CCND3: variants seen among roughly 807,000 people sequenced by gnomAD.
CCND3 encodes cyclin D3.
CCND3 carries 9 observed loss-of-function variants against 28.7 expected under a neutral mutation model. That is an observed-to-expected ratio of 0.31 (90% CI 0.19 to 0.55). The LOEUF (loss-of-function observed/expected upper bound fraction) is 0.55. Among genes scored for constraint, CCND3 ranks in the 20% least tolerant of loss-of-function variants. The pLI, the probability that CCND3 is intolerant of heterozygous loss-of-function variation, is 0.93. For missense variants in CCND3, 315 were observed against 385.8 expected, an observed-to-expected ratio of 0.82 and a Z score of 1.54; for synonymous variants, 164 against 163.9, an observed-to-expected ratio of 1.00 and a Z score of 0.00.
At chr6:42,040,334 C>G (rs1374317414) in intron 1 of CCND3, among the ~76,000 whole-genome samples, 3 of 152,072 alleles carry the variant, frequency 2.0e-5, no homozygotes, top group African/African-American at 7.2e-5. Flanking sequence ...AGGAGAATCA[C>G]TTGAACCTAG....
At chr6:42,040,899 A>G (rs4714558) in intron 1 of CCND3, among the ~76,000 whole-genome samples, 90,811 of 151,210 alleles carry the variant, frequency 0.6, 27,958 homozygotes, top group East Asian at 0.84. Context: ...AACCTCATAG[A>G]ATATGTTTGT....
chr6:41,942,492 G>T (rs1038578924), upstream of CCND3, among the ~76,000 whole-genome samples: 1 of 152,152 alleles, frequency 6.6e-6, no homozygotes, highest in Non-Finnish European at 1.5e-5. Context: ...GAGAGCTTTA[G>T]TCTAAGTCAG....
intron 1 of CCND3, among the ~76,000 whole-genome samples, chr6:42,046,486 T>A (rs1476230806): frequency 6.6e-6 from 1 of 152,188 alleles, no homozygotes; most frequent in Non-Finnish European, 1.5e-5. Context: ...GGTGTCTTGG[T>A]TTCCCAAATC....
chr6:41,955,189 A>C (rs1776407791), intron 1 of CCND3, among the ~76,000 whole-genome samples: 1 of 152,216 alleles, frequency 6.6e-6, no homozygotes, highest in African/African-American at 2.4e-5. Flanking sequence ...CTTTCAGAGA[A>C]TATAAAGAGA....
At chr6:41,978,916 G>A (rs1029068424) in intron 1 of CCND3, among the ~76,000 whole-genome samples, 5 of 152,184 alleles carry the variant, frequency 3.3e-5, no homozygotes, top group Admixed American at 3.3e-4. Flanking sequence ...GGTGGCTCAC[G>A]CCTTTAATCC....
At chr6:42,033,666 G>A (rs571544304) in intron 1 of CCND3, among the ~76,000 whole-genome samples, 1 of 149,920 alleles carries the variant, frequency 6.7e-6, no homozygotes, top group Admixed American at 6.6e-5. Flanking sequence ...TGACCAACAT[G>A]GAAAAACCCC....
chr6:42,002,585 G>A (rs1763042929), intron 1 of CCND3, among the ~76,000 whole-genome samples: 1 of 152,190 alleles, frequency 6.6e-6, no homozygotes. Context: ...GGGCGTGGTG[G>A]CTCACGCCTG....
At chr6:42,039,760 C>T (rs961887354) in intron 1 of CCND3, among the ~76,000 whole-genome samples, 1 of 152,244 alleles carries the variant, frequency 6.6e-6, no homozygotes, top group African/African-American at 2.4e-5. Flanking sequence ...TTCACCACCA[C>T]CCACTCCTGC....
chr6:41,972,240 A>AGAAAGAAAAG (rs1554162049), intron 1 of CCND3, among the ~76,000 whole-genome samples: 63 of 99,758 alleles, frequency 6.3e-4, no homozygotes, highest in African/African-American at 1.9e-3. Context: ...AAAAAAAAAA[A>AGAAAGAAAAG]AAAAGAAAAG....
intron 1 of CCND3, among the ~76,000 whole-genome samples, chr6:42,012,517 C>G (rs9471727): frequency 0.095 from 14,457 of 152,160 alleles, 876 homozygotes; most frequent in Non-Finnish European, 0.14. Context: ...AGGAGAATCA[C>G]TTGAACCTGG....
chr6:42,006,546 AAAC>A (rs1159797555), intron 1 of CCND3, among the ~76,000 whole-genome samples: 2 of 152,202 alleles, frequency 1.3e-5, no homozygotes, highest in Non-Finnish European at 2.9e-5. Flanking sequence ...AATTGAAAAA[AAAC>A]AACTTCATTA....
chr6:42,029,559 C>G (rs1179005413), intron 1 of CCND3, among the ~76,000 whole-genome samples: 1 of 151,930 alleles, frequency 6.6e-6, no homozygotes, highest in Non-Finnish European at 1.5e-5. Context: ...TCACTGGGGC[C>G]GGGCACAGTG....
chr6:41,996,125 T>A (rs59825082), intron 1 of CCND3, among the ~76,000 whole-genome samples: 465 of 24,590 alleles, frequency 0.019, 1 homozygote, highest in African/African-American at 0.057. Flanking sequence ...ATATATATAA[T>A]ATATATATAT....
intron 1 of CCND3, among the ~76,000 whole-genome samples, chr6:41,982,137 G>A (rs1201263754): frequency 6.6e-6 from 1 of 151,848 alleles, no homozygotes; most frequent in African/African-American, 2.4e-5. Flanking sequence ...GGGTGTGGTG[G>A]TGGGTGCCTG....
intron 1 of CCND3, among the ~76,000 whole-genome samples, chr6:41,985,976 G>A (rs73426281): frequency 0.066 from 9,917 of 151,364 alleles, 709 homozygotes; most frequent in African/African-American, 0.17. Flanking sequence ...ATAAAGGTCC[G>A]ATTTCATTCT....
Position 42,048,723 on chromosome 6 carries a change from G to C in CCND3, c.-268C>G, listed in dbSNP as rs1276706416. The C allele has an allele frequency of 5.9e-6, 3 of 508,434 alleles. No homozygotes were observed. Among genetic ancestry groups the C allele is most frequent in the Non-Finnish European group, 1.2e-5 (3 of 255,626 alleles). 31.5% of individuals were successfully genotyped at this position (508,434 alleles called of 1,614,324 possible). ...GCGCCGCGCCGCCGATCCAGAGCTGGGCAGGAAGTGGGGAAGAGGGGGCGG... is the reference window on the plus strand; with the variant it reads ...GCGCCGCGCCGCCGATCCAGAGCTGCGCAGGAAGTGGGGAAGAGGGGGCGG... On this transcript the variant is annotated 5_prime_UTR_variant, in exon 1 of 5. Transcript: ENST00000372988. This position sits in a 1 kb window ranked among gnomAD's most constrained non-coding sequence, Gnocchi z 4.7.
intron 1 of CCND3, among the ~76,000 whole-genome samples, chr6:41,953,499 AG>A (rs1776366268): frequency 6.6e-6 from 1 of 152,036 alleles, no homozygotes; most frequent in South Asian, 2.1e-4. Context: ...GGTAAATCCA[AG>A]GGGTAATTAT....
chr6:42,004,090 A>G (rs201275364), intron 1 of CCND3, among the ~76,000 whole-genome samples: 4,438 of 132,450 alleles, frequency 0.034, 129 homozygotes, highest in Admixed American at 0.09. Flanking sequence ...GTGTGTGTGT[A>G]TGTATTTTTT....
At chr6:41,963,839 T>C (rs1381673655) in intron 1 of CCND3, among the ~76,000 whole-genome samples, 1 of 151,906 alleles carries the variant, frequency 6.6e-6, no homozygotes, top group Non-Finnish European at 1.5e-5. Context: ...CTGTTCCCTC[T>C]GCCTGGACCA....
Sources: gnomAD v4.1 joint callset for allele counts (sites outside exome capture counted in the v4.1 genomes callset) on GRCh38, gnomAD v4.1.1 for gene constraint, Gnocchi (gnomAD v3.1) non-coding constraint, MANE v1.5 for transcripts, NCBI Gene and HGNC (gene_info 2026-07-23, HGNC 2026-07-21) for gene names.